Variants in NPAS3 observed in about 807,000 individuals in gnomAD.
NPAS3 encodes the protein neuronal PAS domain-containing protein 3.
NPAS3 carries 14 observed loss-of-function variants against 73.1 expected under a neutral mutation model. That is an observed-to-expected ratio of 0.19 (90% CI 0.13 to 0.30). The LOEUF (loss-of-function observed/expected upper bound fraction) is 0.30. Among genes scored for constraint, NPAS3 ranks in the 10% least tolerant of loss-of-function variants. The pLI, the probability that NPAS3 is intolerant of heterozygous loss-of-function variation, is 1.00. For synonymous variants in NPAS3, 620 were observed against 541.5 expected, an observed-to-expected ratio of 1.14 and a Z score of -2.01; for missense variants, 1,096 against 1,250.0, an observed-to-expected ratio of 0.88 and a Z score of 1.86.
At chr14:33,356,172 C>A (rs1360820533) in intron 3 of NPAS3, among the ~76,000 whole-genome samples, 1 of 152,166 alleles carries the variant, frequency 6.6e-6, no homozygotes, top group Non-Finnish European at 1.5e-5. Flanking sequence ...CCTGAACTTG[C>A]CACACTGAAG....
intron 2 of NPAS3, among the ~76,000 whole-genome samples, chr14:33,151,376 G>T (rs187115515): frequency 2.0e-5 from 3 of 152,158 alleles, no homozygotes; most frequent in African/African-American, 7.2e-5. Context: ...AAATGTCAAC[G>T]CACAAAAGAA....
rs893464663 is a variant in NPAS3, at chr14:33,800,600, G to A, written c.2293G>A (p.Gly765Arg). Reference sequence around the variant, plus strand: ...GGACAAGCACCCCGGGAACGGCGGCGGGGGCGGGGGCGGGGGCGGCGGCGC... The same window carrying A: ...GGACAAGCACCCCGGGAACGGCGGCAGGGGCGGGGGCGGGGGCGGCGGCGC... Residue 765 changes from glycine (G) to arginine (R), a missense_variant, in exon 12 of 12, where the codon GGG (glycine) becomes AGG (arginine). By Grantham distance (125) the Gly-to-Arg change is moderately radical. Transcript: ENST00000356141. This position sits in a 1 kb window ranked among gnomAD's most constrained non-coding sequence, Gnocchi z 6.5. 5 of 1,290,720 alleles carry A rather than the reference G, an allele frequency of 3.9e-6. No homozygotes were observed. The highest frequency in any genetic ancestry group is 5.3e-5 in the South Asian group (2 of 37,788). 80.0% of individuals were successfully genotyped at this position (1,290,720 alleles called of 1,614,324 possible). A position where few individuals can be genotyped will look rare whatever the true frequency, so the allele number is the denominator to read the frequency against.
intron 5 of NPAS3, among the ~76,000 whole-genome samples, chr14:33,672,985 A>G (rs10134969): frequency 0.65 from 98,604 of 152,178 alleles, 32,458 homozygotes; most frequent in African/African-American, 0.79. Flanking sequence ...TAATGATGAC[A>G]ATGACTCAGG....
At chr14:33,289,762 C>T (rs374987977) in intron 3 of NPAS3, among the ~76,000 whole-genome samples, 32 of 151,078 alleles carry the variant, frequency 2.1e-4, no homozygotes, top group East Asian at 1.4e-3. Flanking sequence ...TCGGAGGTTA[C>T]GTTGAGCCGA....
chr14:32,982,568 A>G (rs530393619), intron 1 of NPAS3, among the ~76,000 whole-genome samples: 2 of 152,100 alleles, frequency 1.3e-5, no homozygotes, highest in South Asian at 4.1e-4. Context: ...AAAAATCTCT[A>G]TCTGCACTAC....
intron 2 of NPAS3, among the ~76,000 whole-genome samples, chr14:33,140,001 C>T (rs2043987052): frequency 6.6e-6 from 1 of 151,784 alleles, no homozygotes; most frequent in African/African-American, 2.4e-5. Flanking sequence ...TTTTACGCTA[C>T]TTTGCATGTT....
intron 1 of NPAS3, among the ~76,000 whole-genome samples, chr14:32,948,521 T>C (rs2036355458): frequency 6.6e-6 from 1 of 152,174 alleles, no homozygotes; most frequent in Non-Finnish European, 1.5e-5. Context: ...TTCTCTCTCT[T>C]TGCTTCTCTC....
At chr14:33,431,337 A>G (rs1370219330) in intron 4 of NPAS3, among the ~76,000 whole-genome samples, 3 of 152,206 alleles carry the variant, frequency 2.0e-5, no homozygotes, top group African/African-American at 4.8e-5. Context: ...TGATTTGGCA[A>G]AAGGTCTACA....
intron 6 of NPAS3, among the ~76,000 whole-genome samples, chr14:33,709,040 G>A (rs932298784): frequency 1.3e-4 from 20 of 152,174 alleles, no homozygotes; most frequent in Admixed American, 3.3e-4. Context: ...AAAATAGATC[G>A]GAAAGCCCAA....
chr14:33,133,281 G>A lies in NPAS3; in HGVS notation c.140+77287G>A, dbSNP rs111418628. 5.7e-3 allele frequency among the ~76,000 whole-genome samples: 866 copies of A among 152,192 alleles called. 10 individuals are homozygous for A. Among genetic ancestry groups the A allele is most frequent in the Non-Finnish European group, 9.5e-3 (644 of 68,012 alleles). ...ACATACACTACATAAAAACACAAGA[G>A]GGGCTTTATCTTAAGGCACATCTGA... On this transcript the variant is annotated intron_variant, in intron 2 of 11. Coordinates refer to ENST00000356141, the Ensembl canonical transcript of NPAS3.
chr14:33,274,434 C>T (rs747286847), intron 3 of NPAS3, among the ~76,000 whole-genome samples: 2 of 152,148 alleles, frequency 1.3e-5, no homozygotes, highest in Non-Finnish European at 2.9e-5. Flanking sequence ...TAACTGCCTG[C>T]CATCCTAATT....
chr14:33,656,330 G>C (rs923164683), intron 5 of NPAS3, among the ~76,000 whole-genome samples: 8 of 152,182 alleles, frequency 5.3e-5, no homozygotes. Flanking sequence ...CCAGTTATTA[G>C]CTGCCTAACA....
At chr14:33,484,040 C>CAGCAGTGA (rs2051460013) in intron 4 of NPAS3, among the ~76,000 whole-genome samples, 1 of 152,188 alleles carries the variant, frequency 6.6e-6, no homozygotes. Flanking sequence ...ACTAGGAGTA[C>CAGCAGTGA]AGCAGTGAAC....
intron 4 of NPAS3, among the ~76,000 whole-genome samples, chr14:33,434,408 G>C (rs914675851): frequency 6.6e-6 from 1 of 151,336 alleles, no homozygotes; most frequent in Non-Finnish European, 1.5e-5. Context: ...ACACCTGTAG[G>C]TCCAGCTGCT....
intron 7 of NPAS3, among the ~76,000 whole-genome samples, chr14:33,737,663 A>G (rs902710227): frequency 6.6e-5 from 10 of 152,082 alleles, no homozygotes; most frequent in African/African-American, 2.4e-4. Context: ...AACTTCCCTC[A>G]TTAATTAACT....
intron 3 of NPAS3, among the ~76,000 whole-genome samples, chr14:33,353,879 C>T (rs74042067): frequency 6.6e-6 from 1 of 152,190 alleles, no homozygotes; most frequent in African/African-American, 2.4e-5. Context: ...GGCAGCTTTC[C>T]CTATCCGATT....
intron 5 of NPAS3, among the ~76,000 whole-genome samples, chr14:33,595,326 C>T (rs1468366058): frequency 6.8e-6 from 1 of 147,780 alleles, no homozygotes; most frequent in East Asian, 2.0e-4. Context: ...TTCTCTGCCT[C>T]TTTTTTTTTT....
At chr14:33,565,842 T>A (rs2055899427) in intron 5 of NPAS3, among the ~76,000 whole-genome samples, 1 of 152,170 alleles carries the variant, frequency 6.6e-6, no homozygotes, top group East Asian at 1.9e-4. Flanking sequence ...ATGCAAATAC[T>A]GCTTTATGGC....
In NPAS3 at chr14:33,582,970, G is replaced by GTTTTTTTTTTTTTTTTTTTTTT. The variant is rs55885070; in HGVS notation, c.558+22776_558+22777insTTTTTTTTTTTTTTTTTTTTTT. Among the ~76,000 whole-genome samples, 21 of 93,284 alleles carry GTTTTTTTTTTTTTTTTTTTTTT rather than the reference G, an allele frequency of 2.3e-4. 2 individuals carry two copies. Among genetic ancestry groups the GTTTTTTTTTTTTTTTTTTTTTT allele is most frequent in the African/African-American group, 7.0e-4 (9 of 12,784 alleles). 61.2% of individuals were successfully genotyped at this position (93,284 alleles called of 152,430 possible). A position where few individuals can be genotyped will look rare whatever the true frequency, so the allele number is the denominator to read the frequency against. On this transcript the variant is annotated intron_variant, in intron 5 of 11. Coordinates refer to ENST00000356141, the Ensembl canonical transcript of NPAS3. Reference sequence around the variant, plus strand: ...TCCTTTGGACCTAGATATTTAAAGGGTTTTTTTTTTTTTTTTGGCTACTGG... The same window carrying GTTTTTTTTTTTTTTTTTTTTTT: ...TCCTTTGGACCTAGATATTTAAAGGGTTTTTTTTTTTTTTTTTTTTTTTTTTTTTTTTTTTTTTGGCTACTGG...
Sources: gnomAD v4.1 joint callset for allele counts (sites outside exome capture counted in the v4.1 genomes callset) on GRCh38, gnomAD v4.1.1 for gene constraint, Gnocchi (gnomAD v3.1) non-coding constraint, MANE v1.5 for transcripts, NCBI Gene and HGNC (gene_info 2026-07-23, HGNC 2026-07-21) for gene names.